Variants in RNGTT observed in about 807,000 individuals in gnomAD.
The protein encoded by RNGTT is mRNA-capping enzyme.
RNGTT carries 33 observed loss-of-function variants against 79.3 expected under a neutral mutation model. The observed-to-expected ratio is 0.42, with a 90% CI of 0.32 to 0.56. The LOEUF (loss-of-function observed/expected upper bound fraction) is 0.56, where lower values mean the gene tolerates loss of function less well. RNGTT is among the 20% of genes least tolerant of loss of function. RNGTT has a pLI of 0.17. For missense variants in RNGTT, 497 were observed against 739.1 expected (o/e 0.67, Z 3.80); for synonymous variants, 222 against 235.9 (o/e 0.94, Z 0.54).
At chr6:88,840,488 CCAGGCT>C in intron 11 of RNGTT, among the ~76,000 whole-genome samples, 1 of 152,176 alleles carries the variant, frequency 6.6e-6, no homozygotes, top group East Asian at 1.9e-4. Flanking sequence ...CCTCAAACTC[CCAGGCT>C]CAAGCAATCA....
chr6:88,739,104 T>G lies in RNGTT; in HGVS notation c.1439+30670A>C, dbSNP rs544864338. Among the ~76,000 whole-genome samples, 37 of 152,220 alleles carry G rather than the reference T, an allele frequency of 2.4e-4. No homozygotes were observed. In the South Asian group the frequency reaches 7.5e-3, roughly 31 times the overall value. On this transcript the variant is annotated intron_variant, in intron 13 of 15. Transcript: ENST00000369485. ...TTTTCACTGTAGCCAACAGAAATCA[T>G]TAAAAAGCTTGATTAAATGAGATAA...
intron 13 of RNGTT, among the ~76,000 whole-genome samples, chr6:88,723,448 TCTGCTGTGCTGCCCGTTG>T (rs952667405): frequency 2.6e-5 from 4 of 152,176 alleles, no homozygotes; most frequent in Non-Finnish European, 4.4e-5. Flanking sequence ...CAGCCCCTTC[TCTGCTGTGCTGCCCGTTG>T]CTACTTTGCA....
At chr6:88,930,926 A>G (rs1370850981) in intron 2 of RNGTT, among the ~76,000 whole-genome samples, 1 of 152,168 alleles carries the variant, frequency 6.6e-6, no homozygotes, top group East Asian at 1.9e-4. Flanking sequence ...CCAGTTCCAT[A>G]AAGAAACCAT....
chr6:88,874,313 A>G (rs1782448244), intron 8 of RNGTT, among the ~76,000 whole-genome samples: 1 of 152,120 alleles, frequency 6.6e-6, no homozygotes, highest in Non-Finnish European at 1.5e-5. Flanking sequence ...AAAGCCACTT[A>G]ACGTATTCTG....
At chr6:88,821,342 A>C (rs1780490750) in intron 11 of RNGTT, among the ~76,000 whole-genome samples, 2 of 152,308 alleles carry the variant, frequency 1.3e-5, no homozygotes, top group South Asian at 4.1e-4. Context: ...GCTTAGAAAC[A>C]CTAAAGAAAA....
intron 1 of RNGTT, among the ~76,000 whole-genome samples, chr6:88,953,484 C>T (rs1785325788): frequency 6.6e-6 from 1 of 152,040 alleles, no homozygotes; most frequent in Admixed American, 6.6e-5. Flanking sequence ...TGTTAAACAG[C>T]CAACCCTAAG....
chr6:88,631,909 G>T (rs1022323768), intron 14 of RNGTT, among the ~76,000 whole-genome samples: 2 of 151,982 alleles, frequency 1.3e-5, no homozygotes, highest in Non-Finnish European at 2.9e-5. Flanking sequence ...TAAGACAACT[G>T]ATTTTTTATA....
Position 88,776,035 on chromosome 6 carries a change from C to A in RNGTT, c.1339-6161G>T, listed in dbSNP as rs570828686. Among the ~76,000 whole-genome samples, 20 of 152,118 alleles carry A rather than the reference C, an allele frequency of 1.3e-4. No individual in the cohort carries two copies. In the South Asian group the frequency reaches 4.2e-3, roughly 32 times the overall value. On this transcript the variant is annotated intron_variant, in intron 12 of 15. Transcript: ENST00000369485. ...ACATTTCTCTATGAGGTACTAATTT[C>A]ATTTCTTTTGGTATATACTCAGAGG...
chr6:88,693,925 C>CA (rs1210174439), intron 13 of RNGTT, among the ~76,000 whole-genome samples: 1 of 152,084 alleles, frequency 6.6e-6, no homozygotes, highest in African/African-American at 2.4e-5. Flanking sequence ...AAAAAATTCT[C>CA]AAATAGGTAC....
chr6:88,797,928 T>C (rs1364735772), intron 12 of RNGTT, among the ~76,000 whole-genome samples: 2 of 87,352 alleles, frequency 2.3e-5, no homozygotes, highest in East Asian at 6.0e-4. Context: ...TGTAGAACTG[T>C]AGAAGCAAAA....
At chr6:88,848,916 T>C (rs1781576378) in intron 10 of RNGTT, among the ~76,000 whole-genome samples, 1 of 152,030 alleles carries the variant, frequency 6.6e-6, no homozygotes, top group Non-Finnish European at 1.5e-5. Flanking sequence ...GACTCTTCTA[T>C]ATGGTGAAAT....
chr6:88,937,356 AATAGTCTC>A (rs1297310099), intron 2 of RNGTT, among the ~76,000 whole-genome samples: 1 of 152,058 alleles, frequency 6.6e-6, no homozygotes, highest in Non-Finnish European at 1.5e-5. Context: ...AAAAAAAAAA[AATAGTCTC>A]TGATGATCTT....
chr6:88,875,310 T>C (rs1350863073), intron 8 of RNGTT, among the ~76,000 whole-genome samples: 1 of 152,018 alleles, frequency 6.6e-6, no homozygotes, highest in Non-Finnish European at 1.5e-5. Flanking sequence ...GAAGGTATAA[T>C]GTCTCGAGAA....
At chr6:88,674,879 C>T (rs1774801645) in intron 14 of RNGTT, among the ~76,000 whole-genome samples, 1 of 151,926 alleles carries the variant, frequency 6.6e-6, no homozygotes, top group South Asian at 2.1e-4. Context: ...GGCGGACTGC[C>T]TGAGGTCAGG....
At chr6:88,818,761 TA>T (rs369771338) in intron 11 of RNGTT, among the ~76,000 whole-genome samples, 2 of 152,144 alleles carry the variant, frequency 1.3e-5, no homozygotes, top group African/African-American at 4.8e-5. Flanking sequence ...AAGAGAAAAA[TA>T]AATTTGTGAT....
chr6:88,953,856 T>A (rs1346710721), intron 1 of RNGTT, among the ~76,000 whole-genome samples: 1 of 152,214 alleles, frequency 6.6e-6, no homozygotes, highest in African/African-American at 2.4e-5. Flanking sequence ...GCCAAGAATT[T>A]TGTATTCAGC....
chr6:88,909,468 A>G (rs1242613665), intron 4 of RNGTT, among the ~76,000 whole-genome samples: 1 of 152,118 alleles, frequency 6.6e-6, no homozygotes, highest in Non-Finnish European at 1.5e-5. Flanking sequence ...ACCCACTCTT[A>G]CTGACAAGCA....
chr6:88,897,989 A>G lies in RNGTT; in HGVS notation c.685-6074T>C, dbSNP rs911473063. Among the ~76,000 whole-genome samples, 11 of 152,152 alleles carry G rather than the reference A, an allele frequency of 7.2e-5. 1 individual carries two copies. Among genetic ancestry groups the G allele is most frequent in the Non-Finnish European group, 1.6e-4 (11 of 68,028 alleles). ...AGAAAAAGAGAGCACAAGAAAGCCT[A>G]CACATTAACTCCCCCCAGACTCTAC... is the stretch of plus-strand genomic sequence containing the variant. On this transcript the variant is annotated intron_variant, in intron 6 of 15. Coordinates refer to ENST00000369485, the MANE Select transcript of RNGTT (RefSeq NM_003800.5).
At chr6:88,741,445 AG>A (rs1441417451) in intron 13 of RNGTT, among the ~76,000 whole-genome samples, 7 of 152,128 alleles carry the variant, frequency 4.6e-5, no homozygotes, top group Admixed American at 3.3e-4. Flanking sequence ...AAGGGAAGGG[AG>A]AAAGAGGGGA....
Sources: allele counts gnomAD v4.1 joint callset (sites outside exome capture counted in the v4.1 genomes callset), GRCh38; gene constraint gnomAD v4.1.1; transcripts MANE v1.5; gene names NCBI Gene and HGNC (gene_info 2026-07-23, HGNC 2026-07-21).